CD247: variants seen among roughly 807,000 people sequenced by gnomAD.
CD247 encodes T-cell surface glycoprotein CD3 zeta chain.
In CD247, 13 loss-of-function variants were observed where a neutral mutation model predicts 30.0. The ratio of observed to expected loss-of-function variants is 0.43; its 90% CI spans 0.28 to 0.69. The LOEUF is 0.69. Ranked by LOEUF, CD247 falls within the 30% of genes least tolerant of loss-of-function variation. The pLI is 0.16. For missense variants in CD247, 193 were observed against 212.6 expected (o/e 0.91, Z 0.57); for synonymous variants, 72 against 80.0 (o/e 0.90, Z 0.53).
Position 167,431,650 on chromosome 1 carries a change from C to T in CD247, c.*31G>A. On this transcript the variant is annotated 3_prime_UTR_variant, in exon 8 of 8. Transcript: ENST00000362089. ...TCTCATAATCTGGGCGTCTGCAGGT[C>T]TGGCCTTTGAGTGGTGAAATCCCCT... The T allele has an allele frequency of 6.3e-7, 1 of 1,591,676 alleles. No individual in the cohort carries two copies. Among genetic ancestry groups the T allele is most frequent in the Non-Finnish European group, 8.6e-7 (1 of 1,159,510 alleles).
At chr1:167,439,698 G>T (rs1651729560) in intron 2 of CD247, 2 of 466,740 alleles carry the variant, frequency 4.3e-6, no homozygotes, top group Non-Finnish European at 7.8e-6. Context: ...GAGGTATAAG[G>T]TTCTTGGTCT....
At chr1:167,449,950 G>A (rs1383972351) in intron 1 of CD247, among the ~76,000 whole-genome samples, 1 of 151,672 alleles carries the variant, frequency 6.6e-6, no homozygotes, top group Non-Finnish European at 1.5e-5. Flanking sequence ...CTGAAGAATT[G>A]TTTTTTTCAT....
Position 167,490,549 on chromosome 1 carries a change from C to A in CD247, c.58+27859G>T, listed in dbSNP as rs188080998. 6.5e-3 allele frequency among the ~76,000 whole-genome samples: 988 copies of A among 152,044 alleles called. 34 individuals are homozygous for A. The East Asian group carries it at 0.1, about 16-fold the overall frequency. ...GAGGCAGGAGAATCCCTTGAACCTG[C>A]GAGGCGGAGGTTGCAGCGAGCCGAG... On this transcript the variant is annotated intron_variant, in intron 1 of 7. Transcript: ENST00000362089.
intron 1 of CD247, among the ~76,000 whole-genome samples, chr1:167,468,337 G>T (rs1161173004): frequency 6.6e-6 from 1 of 152,154 alleles, no homozygotes; most frequent in Non-Finnish European, 1.5e-5. Context: ...TACCCATAAA[G>T]AACTTCGCAC....
intron 1 of CD247, among the ~76,000 whole-genome samples, chr1:167,493,824 T>G (rs1654558850): frequency 1.3e-5 from 2 of 152,184 alleles, no homozygotes; most frequent in Non-Finnish European, 2.9e-5. Context: ...ATTCTTCTTG[T>G]TTAAGAAGCA....
chr1:167,488,488 C>T (rs1654307447), intron 1 of CD247, among the ~76,000 whole-genome samples: 1 of 152,150 alleles, frequency 6.6e-6, no homozygotes, highest in African/African-American at 2.4e-5. Flanking sequence ...TCTGGCTAAA[C>T]CAACCTAACA....
intron 3 of CD247, 41 bp from the exon 4 acceptor site, chr1:167,438,691 C>A: frequency 6.6e-7 from 1 of 1,516,032 alleles, no homozygotes; most frequent in Non-Finnish European, 9.2e-7. Context: ...GACGGAGGAA[C>A]CTCAGAAGGA....
Position 167,494,886 on chromosome 1 carries a change from C to T in CD247, c.58+23522G>A, listed in dbSNP as rs1191775426. 1.3e-5 allele frequency among the ~76,000 whole-genome samples: 2 copies of T among 152,170 alleles called. No homozygotes were observed. Among genetic ancestry groups the T allele is most frequent in the African/African-American group, 4.8e-5 (2 of 41,440 alleles). ...CCTATTCCAGGACTTTACTCTACAGCAAAGCAGTCCGGGTTCCAGAGAGCC... is the reference window on the plus strand; with the variant it reads ...CCTATTCCAGGACTTTACTCTACAGTAAAGCAGTCCGGGTTCCAGAGAGCC... On this transcript the variant is annotated intron_variant, in intron 1 of 7. Transcript: ENST00000362089. This position sits in a 1 kb window ranked among gnomAD's most constrained non-coding sequence, Gnocchi z 7.3.
intron 1 of CD247, among the ~76,000 whole-genome samples, chr1:167,499,364 T>C (rs1654816334): frequency 6.6e-6 from 1 of 152,176 alleles, no homozygotes; most frequent in Non-Finnish European, 1.5e-5. Context: ...CAAGAGGGAC[T>C]TGACCCAGCT....
At chr1:167,452,997 ATG>A (rs71097678) in intron 1 of CD247, among the ~76,000 whole-genome samples, 14 of 106,972 alleles carry the variant, frequency 1.3e-4, no homozygotes, top group African/African-American at 3.2e-4. Context: ...ATGTGTGTGT[ATG>A]TGTGTGTGTG....
chr1:167,465,331 T>TTC (rs1299677502), intron 1 of CD247, among the ~76,000 whole-genome samples: 5 of 144,558 alleles, frequency 3.5e-5, no homozygotes, highest in Non-Finnish European at 7.6e-5. Context: ...CTTTTTCTTT[T>TTC]TTTTTTTTTT....
chr1:167,466,442 C>T (rs1653251932), intron 1 of CD247, among the ~76,000 whole-genome samples: 1 of 151,372 alleles, frequency 6.6e-6, no homozygotes, highest in African/African-American at 2.4e-5. Flanking sequence ...GAATTTAGAA[C>T]TAATGTTGTT....
chr1:167,444,980 C>T (rs1404130528), intron 1 of CD247, among the ~76,000 whole-genome samples: 1 of 151,552 alleles, frequency 6.6e-6, no homozygotes, highest in Non-Finnish European at 1.5e-5. Context: ...GGCTGGAGTG[C>T]AATGGCATGA....
chr1:167,439,726 A>G (rs1161044575), intron 2 of CD247: 2 of 387,144 alleles, frequency 5.2e-6, no homozygotes, highest in Non-Finnish European at 9.7e-6. Context: ...CGGGGACATG[A>G]GTATTCTCTA....
chr1:167,451,633 C>T (rs187840122), intron 1 of CD247, among the ~76,000 whole-genome samples: 170 of 152,296 alleles, frequency 1.1e-3, no homozygotes, highest in African/African-American at 4.0e-3. Flanking sequence ...CTAATAATCC[C>T]TAAGCCTCCA....
chr1:167,482,215 G>C (rs917180377), intron 1 of CD247, among the ~76,000 whole-genome samples: 6 of 152,158 alleles, frequency 3.9e-5, no homozygotes, highest in African/African-American at 1.2e-4. Flanking sequence ...CCATCCCTGG[G>C]TGCTCTGGAA....
rs972238046 is a variant in CD247, at chr1:167,499,886, C to T, written c.58+18522G>A. ...AACAGAGGCCATACCCACACATCCC[C>T]GAGGGCTGTGGATTTTGCATACAGT... On this transcript the variant is annotated intron_variant, in intron 1 of 7. Coordinates refer to ENST00000362089, the MANE Select transcript of CD247 (RefSeq NM_198053.3). Among the ~76,000 whole-genome samples, 6 of 152,174 alleles carry T rather than the reference C, an allele frequency of 3.9e-5. No homozygotes were observed. The South Asian group carries it at 6.2e-4, about 16-fold the overall frequency.
At chr1:167,464,393 G>C (rs73030136) in intron 1 of CD247, among the ~76,000 whole-genome samples, 1 of 152,208 alleles carries the variant, frequency 6.6e-6, no homozygotes, top group African/African-American at 2.4e-5. Context: ...TGAGTGATGG[G>C]TTCCTAAAAA....
intron 1 of CD247, among the ~76,000 whole-genome samples, chr1:167,465,451 C>T (rs1379342077): frequency 6.6e-6 from 1 of 151,756 alleles, no homozygotes; most frequent in Non-Finnish European, 1.5e-5. Flanking sequence ...GCCTCAGCCT[C>T]CCGAGTAGCT....
Sources: gnomAD v4.1 joint callset for allele counts (sites outside exome capture counted in the v4.1 genomes callset) on GRCh38, gnomAD v4.1.1 for gene constraint, Gnocchi (gnomAD v3.1) non-coding constraint, MANE v1.5 for transcripts, NCBI Gene and HGNC (gene_info 2026-07-23, HGNC 2026-07-21) for gene names.